The following RAB6B variants were observed in gnomAD, a reference collection of about 807,000 sequenced individuals.
The protein encoded by RAB6B is ras-related protein Rab-6B.
RAB6B carries 7 observed loss-of-function variants against 31.2 expected under a neutral mutation model. That is an observed-to-expected ratio of 0.22 (90% CI 0.13 to 0.42). The LOEUF (loss-of-function observed/expected upper bound fraction) is 0.42. Among genes scored for constraint, RAB6B ranks in the 10% least tolerant of loss-of-function variants. RAB6B has a pLI of 1.00. For synonymous variants in RAB6B, 105 were observed against 104.9 expected (o/e 1.00, Z -0.01); for missense variants, 149 against 280.6 (o/e 0.53, Z 3.35).
At chr3:133,843,450 T>C (rs1028475360) in intron 2 of RAB6B, among the ~76,000 whole-genome samples, 2 of 152,232 alleles carry the variant, frequency 1.3e-5, no homozygotes, top group African/African-American at 4.8e-5. Flanking sequence ...CCTTGTCTTC[T>C]GATTCCCTTA....
At chr3:133,835,647 C>T (rs899822383) in intron 6 of RAB6B, among the ~76,000 whole-genome samples, 3 of 152,020 alleles carry the variant, frequency 2.0e-5, no homozygotes, top group African/African-American at 7.3e-5. Flanking sequence ...GCCGGTCCCC[C>T]TGCAAATTCC....
rs375374830 is a variant in RAB6B at position 133,864,769 on chromosome 3, C to G, written c.71-127G>C. 2.5e-5 allele frequency: 23 copies of G among 926,134 alleles called. No homozygotes were observed. In the African/African-American group the frequency reaches 3.7e-4, roughly 15 times the overall value. 57.4% of individuals were successfully genotyped at this position (926,134 alleles called of 1,614,324 possible). A position where few individuals can be genotyped will look rare whatever the true frequency, so the allele number is the denominator to read the frequency against. ...GGGGAAAGGCCGAGTTGCAGAAATA[C>G]AGAAGTGGGAGACAGGCCCCTGCTA... On this transcript the variant is annotated intron_variant, in intron 1 of 7. Transcript: ENST00000285208.
chr3:133,838,871 C>T (rs923970400), intron 5 of RAB6B, among the ~76,000 whole-genome samples: 7 of 152,204 alleles, frequency 4.6e-5, no homozygotes, highest in Non-Finnish European at 1.0e-4. Context: ...ACACTGCTTG[C>T]TGGAGTCCAT....
intron 2 of RAB6B, among the ~76,000 whole-genome samples, chr3:133,850,255 C>G (rs1054825686): frequency 2.2e-4 from 34 of 152,114 alleles, no homozygotes; most frequent in African/African-American, 7.7e-4. Flanking sequence ...CAAGAGTACT[C>G]TTCACAGGAA....
Position 133,895,564 on chromosome 3 carries a change from G to C in RAB6B, c.-98C>G. 2.4e-6 allele frequency: 3 copies of C among 1,250,900 alleles called. No individual in the cohort carries two copies. Among genetic ancestry groups the C allele is most frequent in the South Asian group, 1.3e-5 (1 of 78,024 alleles). 77.5% of individuals were successfully genotyped at this position (1,250,900 alleles called of 1,614,324 possible). A position where few individuals can be genotyped will look rare whatever the true frequency, so the allele number is the denominator to read the frequency against. ...CGAGGGGAGGCGGCCGGCGGTGCGGGAGCCGGAGGGGGAAGGGCTGGCTGC... is the reference window on the plus strand; with the variant it reads ...CGAGGGGAGGCGGCCGGCGGTGCGGCAGCCGGAGGGGGAAGGGCTGGCTGC... On this transcript the variant is annotated 5_prime_UTR_variant, in exon 1 of 8. Transcript: ENST00000285208.
rs1026606036 is a variant in RAB6B, at chr3:133,834,516, T to C, written c.562+59A>G. 1.5e-5 allele frequency: 23 copies of C among 1,532,080 alleles called. No individual in the cohort carries two copies. The African/African-American group carries it at 2.7e-4, about 18-fold the overall frequency. 94.9% of individuals were successfully genotyped at this position (1,532,080 alleles called of 1,614,324 possible). ...AGTGTCTGTCCACTGCACTAACATA[T>C]TCAGTGAATAAATGGCTTCTATACA... On this transcript the variant is annotated intron_variant, in intron 7 of 7. Coordinates refer to ENST00000285208, the MANE Select transcript of RAB6B (RefSeq NM_016577.4).
chr3:133,851,445 G>A (rs941473442), intron 2 of RAB6B, among the ~76,000 whole-genome samples: 1 of 152,174 alleles, frequency 6.6e-6, no homozygotes, highest in Admixed American at 6.6e-5. Flanking sequence ...ATGTAGCTGG[G>A]GCTTTAGAAA....
intron 2 of RAB6B, among the ~76,000 whole-genome samples, chr3:133,862,394 C>G (rs942624056): frequency 6.6e-6 from 1 of 152,174 alleles, no homozygotes; most frequent in African/African-American, 2.4e-5. Context: ...CAGCTCAGAG[C>G]CAGATGCACA....
At chr3:133,844,717 C>T (rs1363868332) in intron 2 of RAB6B, among the ~76,000 whole-genome samples, 1 of 152,148 alleles carries the variant, frequency 6.6e-6, no homozygotes, top group East Asian at 1.9e-4. Flanking sequence ...GCAGGAGGAT[C>T]ACTTGAGCCC....
chr3:133,837,728 C>T (rs1481171181), intron 6 of RAB6B, among the ~76,000 whole-genome samples: 3 of 152,234 alleles, frequency 2.0e-5, no homozygotes, highest in African/African-American at 7.2e-5. Context: ...TTCCCCCAGG[C>T]CTGAGTTGCC....
chr3:133,858,056 C>G (rs1331746150), intron 2 of RAB6B, among the ~76,000 whole-genome samples: 1 of 152,082 alleles, frequency 6.6e-6, no homozygotes. Flanking sequence ...CCACAAACTC[C>G]TTATCTTTGA....
At chr3:133,841,568 G>A (rs1189100325) in intron 3 of RAB6B, 42 bp downstream of exon 3, 1 of 1,607,314 alleles carries the variant, frequency 6.2e-7, no homozygotes, top group Non-Finnish European at 8.5e-7. Context: ...AAGCCCAAAG[G>A]AACCCTCCCT....
Position 133,826,418 on chromosome 3 carries a change from A to T in RAB6B, c.*2370T>A, listed in dbSNP as rs1262890507. 1.3e-5 allele frequency: 2 copies of T among 152,354 alleles called. No individual in the cohort carries two copies. Among genetic ancestry groups the T allele is most frequent in the Non-Finnish European group, 2.9e-5 (2 of 68,040 alleles). The allele number at this position is 152,354 out of a possible 1,614,324, so 9.4% of individuals were successfully genotyped here. On this transcript the variant is annotated 3_prime_UTR_variant, in exon 8 of 8. Coordinates refer to ENST00000285208, the MANE Select transcript of RAB6B (RefSeq NM_016577.4). ...TGTTTTTTTAAAAAAGCTAATCTTT[A>T]GTGCCAAGAAAATAAAAATCTACCA...
chr3:133,844,974 C>T (rs1284409024), intron 2 of RAB6B, among the ~76,000 whole-genome samples: 42 of 149,682 alleles, frequency 2.8e-4, no homozygotes, highest in Non-Finnish European at 3.0e-5. Flanking sequence ...GTAGGAGTTA[C>T]AACCGCTCAA....
At chr3:133,851,830 T>G (rs952115117) in intron 2 of RAB6B, among the ~76,000 whole-genome samples, 2 of 152,118 alleles carry the variant, frequency 1.3e-5, no homozygotes, top group African/African-American at 4.8e-5. Context: ...TCATGGGCTT[T>G]GGGTGATGAA....
chr3:133,872,170 A>C (rs1936335110), intron 1 of RAB6B, among the ~76,000 whole-genome samples: 1 of 152,240 alleles, frequency 6.6e-6, no homozygotes, highest in Admixed American at 6.5e-5. Context: ...GGTGGTGCTC[A>C]GGGCTGAAAA....
At chr3:133,879,192 G>A (rs1936433838) in intron 1 of RAB6B, among the ~76,000 whole-genome samples, 1 of 152,220 alleles carries the variant, frequency 6.6e-6, no homozygotes, top group African/African-American at 2.4e-5. Flanking sequence ...AAAGGCATAT[G>A]TAAAGTCTTT....
At chr3:133,861,718 C>G (rs183150795) in intron 2 of RAB6B, among the ~76,000 whole-genome samples, 2 of 152,046 alleles carry the variant, frequency 1.3e-5, no homozygotes, top group Non-Finnish European at 2.9e-5. Context: ...AATGAGTGAA[C>G]GAGAGGGGAG....
At chr3:133,850,484 C>T (rs896845683) in intron 2 of RAB6B, among the ~76,000 whole-genome samples, 1 of 152,024 alleles carries the variant, frequency 6.6e-6, no homozygotes, top group African/African-American at 2.4e-5. Flanking sequence ...AAAATCTCAA[C>T]AGAGAAACTA....
Sources: allele counts gnomAD v4.1 joint callset (sites outside exome capture counted in the v4.1 genomes callset), GRCh38; gene constraint gnomAD v4.1.1; transcripts MANE v1.5; gene names NCBI Gene and HGNC (gene_info 2026-07-23, HGNC 2026-07-21).